The following RAB4A variants were observed in gnomAD, a reference collection of about 807,000 sequenced individuals.
The protein encoded by RAB4A is RAB4A, member RAS oncogene family.
RAB4A carries 20 observed loss-of-function variants against 34.5 expected under a neutral mutation model. The observed-to-expected ratio is 0.58, with a 90% CI of 0.41 to 0.84. The LOEUF (loss-of-function observed/expected upper bound fraction) is 0.84, where lower values mean the gene tolerates loss of function less well. RAB4A is among the 40% of genes least tolerant of loss of function. The pLI is 0.00. For synonymous variants in RAB4A, 102 were observed against 100.0 expected (o/e 1.02, Z -0.12); for missense variants, 228 against 274.5 (o/e 0.83, Z 1.20).
rs1199887314 is a variant in RAB4A at position 229,305,108 on chromosome 1, C to G, written c.*1315C>G. The G allele has an allele frequency of 1.3e-6, 2 of 1,558,772 alleles. No homozygotes were observed. Among genetic ancestry groups the G allele is most frequent in the Admixed American group, 4.0e-5 (2 of 49,982 alleles). ...TTGTTGTTTATTTTAATCAGCAGAG[C>G]ACAGAGACACATAAAAACTCTGGGA... On this transcript the variant is annotated 3_prime_UTR_variant, in exon 8 of 8. Coordinates refer to ENST00000366690, the MANE Select transcript of RAB4A (RefSeq NM_004578.4).
At chr1:229,276,619 G>A (rs1656657441) in intron 1 of RAB4A, among the ~76,000 whole-genome samples, 2 of 151,210 alleles carry the variant, frequency 1.3e-5, no homozygotes, top group South Asian at 4.2e-4. Context: ...TGTTTGCCTA[G>A]AAGATAAAGT....
At chr1:229,290,922 A>G (rs1047513573) in intron 3 of RAB4A, among the ~76,000 whole-genome samples, 17 of 152,208 alleles carry the variant, frequency 1.1e-4, no homozygotes, top group Non-Finnish European at 1.8e-4. Flanking sequence ...AAGGAATGAG[A>G]TTCCAGATTA....
chr1:229,271,383 G>A lies in RAB4A; in HGVS notation c.31+13G>A, dbSNP rs1380019983. On this transcript the variant is annotated intron_variant, in intron 1 of 7. Transcript: ENST00000366690. ...TCCGAAACCTACGGTACGAGGCCCG[G>A]GCTGGCGGGGCGCGCGGGTCGGGCC... The A allele has an allele frequency of 3.3e-6, 4 of 1,227,760 alleles. No homozygotes were observed. The African/African-American group carries it at 6.3e-5, about 19-fold the overall frequency. 76.1% of individuals were successfully genotyped at this position (1,227,760 alleles called of 1,614,324 possible).
At chr1:229,298,129 A>G (rs1657293924) in intron 5 of RAB4A, among the ~76,000 whole-genome samples, 1 of 152,230 alleles carries the variant, frequency 6.6e-6, no homozygotes, top group African/African-American at 2.4e-5. Context: ...GCCACATAAA[A>G]TTAATGGTTG....
chr1:229,288,633 A>C (rs1426284226), intron 2 of RAB4A, 96 bp from the exon 3 acceptor site: 1 of 655,614 alleles, frequency 1.5e-6, no homozygotes, highest in East Asian at 2.7e-5. Context: ...TCCATTCCCC[A>C]TTGATGTAAC....
At chr1:229,302,297 ATATATATATATATT>A (rs1300265814) in intron 6 of RAB4A, among the ~76,000 whole-genome samples, 326 of 28,356 alleles carry the variant, frequency 0.011, 18 homozygotes, top group South Asian at 0.04. Context: ...ATATATATAT[ATATATATATATATT>A]TTTTTTTTTT....
intron 1 of RAB4A, among the ~76,000 whole-genome samples, chr1:229,275,922 G>T (rs780179441): frequency 6.6e-6 from 1 of 151,018 alleles, no homozygotes; most frequent in African/African-American, 2.5e-5. Context: ...CACCGTGCCC[G>T]TGTATAAATA....
At chr1:229,294,685 C>T (rs377469956) in intron 3 of RAB4A, among the ~76,000 whole-genome samples, 1 of 152,154 alleles carries the variant, frequency 6.6e-6, no homozygotes, top group African/African-American at 2.4e-5. Context: ...ACTAAAAATA[C>T]AAAAATTAGC....
At chr1:229,302,287 ATATATATATATATATATATATATTTTTT>A (rs1175918850) in intron 6 of RAB4A, among the ~76,000 whole-genome samples, 1 of 21,172 alleles carries the variant, frequency 4.7e-5, no homozygotes, top group Non-Finnish European at 8.6e-5. Flanking sequence ...ATATATATAT[ATATATATATATATATATATATATTTTTT>A]TTTTTTTTTT....
At chr1:229,287,887 A>C (rs1259627736) in intron 2 of RAB4A, among the ~76,000 whole-genome samples, 1 of 152,196 alleles carries the variant, frequency 6.6e-6, no homozygotes, top group Non-Finnish European at 1.5e-5. Flanking sequence ...TAAACTAGCC[A>C]ATGGACTGTA....
intron 2 of RAB4A, 29 bp downstream of exon 2, chr1:229,286,595 C>A: frequency 1.5e-6 from 2 of 1,369,644 alleles, no homozygotes; most frequent in South Asian, 1.4e-5. Flanking sequence ...GTCATTCTTC[C>A]GTGCATGTCT....
chr1:229,271,190 A>C lies in RAB4A; in HGVS notation c.-150A>C, dbSNP rs970553102. 1 of 748,068 alleles carries C rather than the reference A, an allele frequency of 1.3e-6. No individual in the cohort carries two copies. Among genetic ancestry groups the C allele is most frequent in the African/African-American group, 1.8e-5 (1 of 54,082 alleles). 46.3% of individuals were successfully genotyped at this position (748,068 alleles called of 1,614,324 possible). ...CGGAGCTGGAGTCCGGCTGGGCCGC[A>C]GCCGCTGGGAGACCGGCGGTTGCCG... On this transcript the variant is annotated 5_prime_UTR_variant, in exon 1 of 8. Coordinates refer to ENST00000366690, the MANE Select transcript of RAB4A (RefSeq NM_004578.4).
At chr1:229,302,266 T>C (rs1346515650) in intron 6 of RAB4A, among the ~76,000 whole-genome samples, 1 of 9,634 alleles carries the variant, frequency 1.0e-4, no homozygotes, top group African/African-American at 6.0e-4. Flanking sequence ...ATTATATATA[T>C]ATATATATAT....
intron 3 of RAB4A, 42 bp downstream of exon 3, chr1:229,288,885 T>C: frequency 8.6e-7 from 1 of 1,164,308 alleles, no homozygotes; most frequent in South Asian, 1.3e-5. Context: ...GAAAATTTGA[T>C]TTAAAATAAT....
Position 229,305,240 on chromosome 1 carries a change from C to A in RAB4A, c.*1447C>A. The A allele has an allele frequency of 6.2e-7, 1 of 1,608,988 alleles. No homozygotes were observed. Among genetic ancestry groups the A allele is most frequent in the South Asian group, 1.1e-5 (1 of 89,742 alleles). ...TCAAAAAGTATCTGAAGCAAATTCT[C>A]AGACTGAACTACTTCTTAGACCTCA... is the stretch of plus-strand genomic sequence containing the variant. On this transcript the variant is annotated 3_prime_UTR_variant, in exon 8 of 8. Transcript: ENST00000366690.
intron 2 of RAB4A, 82 bp from the exon 3 acceptor site, chr1:229,288,647 T>C (rs1331200538): frequency 1.4e-6 from 1 of 709,460 alleles, no homozygotes; most frequent in African/African-American, 1.8e-5. Context: ...ATGTAACTCT[T>C]GGTTTTAGTG....
intron 1 of RAB4A, among the ~76,000 whole-genome samples, chr1:229,283,886 C>G (rs1656846234): frequency 6.8e-6 from 1 of 146,884 alleles, no homozygotes; most frequent in South Asian, 2.1e-4. Flanking sequence ...ACTACCACGC[C>G]TGGCTAATTT....
Position 229,284,094 on chromosome 1 carries a change from GTTTTTTTTTTTTT to G in RAB4A, c.32-2380_32-2368del, listed in dbSNP as rs773213321. Among the ~76,000 whole-genome samples, 21 of 45,926 alleles carry G rather than the reference GTTTTTTTTTTTTT, an allele frequency of 4.6e-4. 1 individual carries two copies. Among genetic ancestry groups the G allele is most frequent in the African/African-American group, 2.1e-3 (21 of 9,774 alleles). The allele number at this position is 45,926 out of a possible 152,430, so 30.1% of individuals were successfully genotyped here. A position where few individuals can be genotyped will look rare whatever the true frequency, so the allele number is the denominator to read the frequency against. On this transcript the variant is annotated intron_variant, in intron 1 of 7. Coordinates refer to ENST00000366690, the MANE Select transcript of RAB4A (RefSeq NM_004578.4). The stretch of plus-strand genomic sequence containing the variant: ...TTTTTTTTGTTGTTGGTGTTGTTTG[GTTTTTTTTTTTTT>G]TTTTTTTTTTTGGACTGAGTTTTGT...
In RAB4A at chr1:229,271,370, G is replaced by C; in HGVS notation, c.31G>C (p.Asp11His). The change falls in exon 1 of 8, where the codon GAT becomes CAT. Residue 11 changes from aspartate to histidine, a missense_variant and splice_region_variant. By Grantham distance (81) the Asp-to-His change is moderately conservative. Transcript: ENST00000366690. ...GCAGACGGCCATGTCCGAAACCTACGGTACGAGGCCCGGGCTGGCGGGGCG... is the reference window on the plus strand; with the variant it reads ...GCAGACGGCCATGTCCGAAACCTACCGTACGAGGCCCGGGCTGGCGGGGCG... MSQTAMSETYDFLFKFLVIGN... is the reference protein window; with the variant it reads MSQTAMSETYHFLFKFLVIGN... The C allele has an allele frequency of 7.9e-7, 1 of 1,263,282 alleles. No homozygotes were observed. Among genetic ancestry groups the C allele is most frequent in the Non-Finnish European group, 9.9e-7 (1 of 1,005,432 alleles). The allele number at this position is 1,263,282 out of a possible 1,614,324, so 78.3% of individuals were successfully genotyped here.
Sources: allele counts gnomAD v4.1 joint callset (sites outside exome capture counted in the v4.1 genomes callset), GRCh38; gene constraint gnomAD v4.1.1; transcripts MANE v1.5; gene names NCBI Gene and HGNC (gene_info 2026-07-23, HGNC 2026-07-21).